The following RPL26 variants were observed in gnomAD, a reference collection of about 807,000 sequenced individuals.
RPL26 encodes ribosomal protein L26, also known as large ribosomal subunit protein uL24.
Under a neutral mutation model 16.2 loss-of-function variants are expected in RPL26, and 1 was observed. The observed-to-expected ratio is 0.06, with a 90% CI of 0.02 to 0.29. The LOEUF is 0.29. Among genes scored for constraint, RPL26 ranks in the 10% least tolerant of loss-of-function variants. The probability of loss-of-function intolerance (pLI) is 1.00; values close to 1 mark genes in which losing one functional copy is unlikely to be tolerated. For missense variants in RPL26, 102 were observed against 184.3 expected (o/e 0.55, Z 2.58); for synonymous variants, 55 against 62.4 (o/e 0.88, Z 0.56).
At chr17:8,382,814 A>AG in intron 1 of RPL26, 1 of 383,364 alleles carries the variant, frequency 2.6e-6, no homozygotes, top group Middle Eastern at 6.6e-4. Flanking sequence ...GGGTCCTAAA[A>AG]GCCTCCCAGT....
chr17:8,379,959 C>T, intron 2 of RPL26, 23 bp from the exon 3 acceptor site: 1 of 1,593,952 alleles, frequency 6.3e-7, no homozygotes, highest in Non-Finnish European at 8.6e-7. Context: ...TCAAAAGTAA[C>T]AAATATTTGA....
intron 1 of RPL26, 75 bp from the exon 2 acceptor site, chr17:8,382,390 T>C: frequency 9.2e-7 from 1 of 1,082,164 alleles, no homozygotes; most frequent in Non-Finnish European, 1.4e-6. Flanking sequence ...CGCAATGATT[T>C]TATCTTGATA....
intron 3 of RPL26, chr17:8,379,480 G>A (rs983723382): frequency 5.8e-5 from 27 of 465,126 alleles, no homozygotes; most frequent in African/African-American, 9.9e-5. Context: ...AGGCTGAGGC[G>A]GGAGAATCGC....
intron 2 of RPL26, chr17:8,380,473 A>G (rs1292614354): frequency 6.5e-6 from 1 of 153,660 alleles, no homozygotes; most frequent in Non-Finnish European, 1.4e-5. Context: ...GATGGTGTGT[A>G]TGTAAATGGC....
At position 8,379,919 on chromosome 17, in the gene RPL26, A is replaced by G. The variant is rs1245027877; in HGVS notation, c.186T>C (p.Tyr62=). 1.2e-6 allele frequency: 2 copies of G among 1,612,454 alleles called. No individual in the cohort carries two copies. Among genetic ancestry groups the G allele is most frequent in the African/African-American group, 1.3e-5 (1 of 74,870 alleles). ...CTACTTTGCCAATTTGCTGACCTTT[A>G]TAGTGTCCACGTACAACCTAAGAGC... is the stretch of plus-strand genomic sequence containing the variant. ...DDEVQVVRGH[Y]KGQQIGKVVQ... The change falls in exon 3 of 4, where the codon TAT becomes TAC. Residue 62 remains tyrosine (Y), a synonymous_variant. Coordinates refer to ENST00000648839, the MANE Select transcript of RPL26 (RefSeq NM_000987.5).
chr17:8,377,738 C>A, intron 3 of RPL26, 46 bp from the exon 4 acceptor site: 1 of 1,553,410 alleles, frequency 6.4e-7, no homozygotes, highest in South Asian at 1.2e-5. Context: ...TAAATAATCA[C>A]TAAAACACAA....
intron 2 of RPL26, chr17:8,380,475 G>C (rs1170432651): frequency 1.3e-5 from 2 of 153,444 alleles, no homozygotes; most frequent in Non-Finnish European, 2.9e-5. Context: ...TGGTGTGTAT[G>C]TAAATGGCTT....
At chr17:8,379,537 G>T (rs1907316862) in intron 3 of RPL26, 1 of 548,274 alleles carries the variant, frequency 1.8e-6, no homozygotes, top group Non-Finnish European at 3.2e-6. Flanking sequence ...TTGTGCCACT[G>T]CACTCCGGCC....
chr17:8,381,112 C>A (rs1488555631), intron 2 of RPL26: 1 of 152,074 alleles, frequency 6.6e-6, no homozygotes, highest in Non-Finnish European at 1.5e-5. Flanking sequence ...CTTGTGGCCC[C>A]CATCCAGGAA....
intron 2 of RPL26, 45 bp downstream of exon 2, chr17:8,382,098 C>T (rs547537601): frequency 9.2e-6 from 14 of 1,527,820 alleles, no homozygotes; most frequent in East Asian, 6.8e-5. Context: ...AAGCTAAGTG[C>T]GTAAAATATC....
chr17:8,377,824 T>G, intron 3 of RPL26, 132 bp from the exon 4 acceptor site: 1 of 747,292 alleles, frequency 1.3e-6, no homozygotes, highest in South Asian at 2.9e-5. Flanking sequence ...TTTTAACTTT[T>G]AAAAAACTCC....
chr17:8,377,871 A>G (rs939894708), intron 3 of RPL26, 179 bp from the exon 4 acceptor site: 2 of 529,288 alleles, frequency 3.8e-6, no homozygotes, highest in Non-Finnish European at 6.4e-6. Context: ...TGGCTTATTT[A>G]CTAATTTCCT....
At chr17:8,380,010 C>T in intron 2 of RPL26, 74 bp from the exon 3 acceptor site, 1 of 1,230,544 alleles carries the variant, frequency 8.1e-7, no homozygotes, top group Non-Finnish European at 1.2e-6. Context: ...CAAACTCATG[C>T]ATACACCATT....
chr17:8,379,652 C>T, intron 3 of RPL26, 144 bp downstream of exon 3: 1 of 693,284 alleles, frequency 1.4e-6, no homozygotes, highest in Non-Finnish European at 2.5e-6. Flanking sequence ...ATTTTCAATA[C>T]AAGTGCAGTA....
Position 8,379,805 on chromosome 17 carries a change from G to A in RPL26, c.300C>T (p.His100=), listed in dbSNP as rs753253735. The A allele has an allele frequency of 1.9e-6, 3 of 1,612,304 alleles. No individual in the cohort carries two copies. Among genetic ancestry groups the A allele is most frequent in the East Asian group, 4.5e-5 (2 of 44,882 alleles). Residue 100 remains histidine, a synonymous_variant, in exon 3 of 4, where the codon CAC becomes CAT. Transcript: ENST00000648839. ...TCTCAAAAACACCTACCTTGCTGGG[G>A]TGAATGCCTACGTGGACAGTTGTGC... ...ANGTTVHVGI[H]PSKVVITRLK...
intron 2 of RPL26, chr17:8,380,211 A>C (rs1386132574): frequency 8.5e-6 from 3 of 352,164 alleles, no homozygotes; most frequent in Non-Finnish European, 1.5e-5. Context: ...GGAACAAACC[A>C]ATTCTTTCCC....
At chr17:8,380,132 G>T (rs1697586962) in intron 2 of RPL26, 196 bp from the exon 3 acceptor site, 1 of 564,908 alleles carries the variant, frequency 1.8e-6, no homozygotes, top group Non-Finnish European at 3.1e-6. Context: ...CAGACCAAGA[G>T]TATTTAAATC....
intron 2 of RPL26, chr17:8,381,715 G>A (rs968136827): frequency 5.3e-6 from 1 of 190,392 alleles, no homozygotes. Context: ...ATCACCTGAC[G>A]CCATGAGTTC....
At chr17:8,379,566 T>C in intron 3 of RPL26, 1 of 577,718 alleles carries the variant, frequency 1.7e-6, no homozygotes, top group East Asian at 2.9e-5. Flanking sequence ...AGAGCAAGAC[T>C]GTCTCAAAAA....
Sources: allele counts gnomAD v4.1 joint callset, GRCh38; gene constraint gnomAD v4.1.1; transcripts MANE v1.5; gene names NCBI Gene and HGNC (gene_info 2026-07-23, HGNC 2026-07-21).